AP2B1: variants seen among roughly 807,000 people sequenced by gnomAD.
The protein encoded by AP2B1 is adaptor related protein complex 2 subunit beta 1.
In AP2B1, 23 loss-of-function variants were observed where a neutral mutation model predicts 102.0. The observed-to-expected ratio is 0.23, with a 90% CI of 0.16 to 0.32. AP2B1 has a LOEUF of 0.32. AP2B1 is among the 10% of genes least tolerant of loss of function. The probability of loss-of-function intolerance (pLI) is 1.00; values close to 1 mark genes in which losing one functional copy is unlikely to be tolerated. For synonymous variants in AP2B1, 381 were observed against 421.2 expected (o/e 0.90, Z 1.17); for missense variants, 541 against 1,157.4 (o/e 0.47, Z 7.73).
intron 5 of AP2B1, among the ~76,000 whole-genome samples, chr17:35,609,112 T>C (rs1181046203): frequency 6.6e-6 from 1 of 152,242 alleles, no homozygotes; most frequent in Non-Finnish European, 1.5e-5. Flanking sequence ...CAATGTTTAC[T>C]GAAAGGTGCA....
chr17:35,685,327 C>T (rs778540572), intron 18 of AP2B1, among the ~76,000 whole-genome samples: 5 of 152,150 alleles, frequency 3.3e-5, no homozygotes, highest in Non-Finnish European at 7.3e-5. Context: ...GTGTAGGGTA[C>T]TTTAGATTTC....
intron 17 of AP2B1, among the ~76,000 whole-genome samples, chr17:35,677,984 TGAGTAGCTGGGATTAGAGGCACCC>T (rs2075738552): frequency 6.6e-6 from 1 of 151,630 alleles, no homozygotes; most frequent in African/African-American, 2.4e-5. Flanking sequence ...CTCAGCCTCC[TGAGTAGCTGGGATTAGAGGCACCC>T]GCCACCATGC....
intron 18 of AP2B1, among the ~76,000 whole-genome samples, chr17:35,687,236 C>T (rs1038225354): frequency 4.6e-5 from 7 of 151,866 alleles, no homozygotes; most frequent in African/African-American, 1.7e-4. Flanking sequence ...CTCAGCCTCC[C>T]GAATAGCTGG....
chr17:35,709,716 C>T (rs2076410339), intron 19 of AP2B1, among the ~76,000 whole-genome samples: 2 of 152,208 alleles, frequency 1.3e-5, no homozygotes, highest in South Asian at 4.1e-4. Context: ...GTAAATTTAG[C>T]ACTTTACTCT....
chr17:35,674,438 T>C (rs1044309863), intron 17 of AP2B1, 117 bp downstream of exon 17: 2 of 1,249,920 alleles, frequency 1.6e-6, no homozygotes, highest in East Asian at 4.7e-5. Context: ...GTACAGTGGC[T>C]CATGCCTATA....
In AP2B1 at chr17:35,725,864, C is replaced by T. The variant is rs1449586834; in HGVS notation, c.*2165C>T. On this transcript the variant is annotated 3_prime_UTR_variant, in exon 22 of 22. Transcript: ENST00000610402. ...CGAAACAAGGCTTCTCTCAGCCTCC[C>T]CACCAGTGATGGATAACAGCTCCTA... 3.9e-5 allele frequency: 6 copies of T among 152,340 alleles called. No individual in the cohort carries two copies. Among genetic ancestry groups the T allele is most frequent in the Non-Finnish European group, 7.3e-5 (5 of 68,066 alleles). 9.4% of individuals were successfully genotyped at this position (152,340 alleles called of 1,614,324 possible).
At chr17:35,688,565 A>G (rs993121228) in intron 18 of AP2B1, among the ~76,000 whole-genome samples, 4 of 151,942 alleles carry the variant, frequency 2.6e-5, no homozygotes, top group African/African-American at 9.7e-5. Flanking sequence ...CATTTTCTCT[A>G]TTTCTTATCA....
chr17:35,652,121 C>G (rs2075102172), intron 13 of AP2B1, among the ~76,000 whole-genome samples: 1 of 152,186 alleles, frequency 6.6e-6, no homozygotes, highest in Non-Finnish European at 1.5e-5. Flanking sequence ...AAGTGTCTTA[C>G]ATAAGGCCTT....
chr17:35,623,599 ATTATT>A (rs2142542561), intron 5 of AP2B1, among the ~76,000 whole-genome samples: 1 of 152,240 alleles, frequency 6.6e-6, no homozygotes, highest in African/African-American at 2.4e-5. Flanking sequence ...AAGATGTATT[ATTATT>A]TTCTGTATTA....
At chr17:35,618,148 A>G (rs2074077172) in intron 5 of AP2B1, among the ~76,000 whole-genome samples, 1 of 152,188 alleles carries the variant, frequency 6.6e-6, no homozygotes, top group Non-Finnish European at 1.5e-5. Flanking sequence ...GTTTTGGATT[A>G]AAGTATAAGC....
intron 16 of AP2B1, among the ~76,000 whole-genome samples, chr17:35,672,850 C>G (rs1270115514): frequency 6.6e-6 from 1 of 152,094 alleles, no homozygotes. Flanking sequence ...AATTGTCTCC[C>G]CCTGCCCCCA....
At chr17:35,663,451 A>C (rs1054869058) in intron 14 of AP2B1, among the ~76,000 whole-genome samples, 4 of 152,288 alleles carry the variant, frequency 2.6e-5, no homozygotes, top group South Asian at 4.1e-4. Context: ...ATTTGAACCC[A>C]GGGCTTCTTT....
At chr17:35,674,492 CAG>C (rs1215901435) in intron 17 of AP2B1, among the ~76,000 whole-genome samples, 171 bp downstream of exon 17, 18 of 152,128 alleles carry the variant, frequency 1.2e-4, no homozygotes, top group Admixed American at 1.2e-3. Context: ...TACCTGAGGT[CAG>C]GGGTTCAAAA....
intron 2 of AP2B1, chr17:35,597,088 C>T: frequency 1.7e-5 from 9 of 541,568 alleles, no homozygotes; most frequent in South Asian, 1.6e-4. Context: ...GCCCCCGCTC[C>T]GGGGCCACTG....
intron 5 of AP2B1, among the ~76,000 whole-genome samples, chr17:35,609,812 A>G (rs2073803429): frequency 6.6e-6 from 1 of 152,170 alleles, no homozygotes; most frequent in South Asian, 2.1e-4. Flanking sequence ...CTGGACATAG[A>G]TGCTGTCTCT....
At position 35,605,868 on chromosome 17, in the gene AP2B1, G is replaced by C. The variant is rs148030373; in HGVS notation, c.279+28G>C. On this transcript the variant is annotated intron_variant, in intron 4 of 21. Coordinates refer to ENST00000610402, the MANE Select transcript of AP2B1 (RefSeq NM_001030006.2). ...AACTTTTCCCAAGGCCTCAATAACA[G>C]AGTTTGAATTGCAAATAAGTAACCT... The C allele has an allele frequency of 3.6e-3, 5,765 of 1,600,036 alleles. 53 individuals are homozygous for C. The highest frequency in any genetic ancestry group is 0.029 in the African/African-American group (2,179 of 74,284).
intron 5 of AP2B1, among the ~76,000 whole-genome samples, chr17:35,616,348 A>G (rs2074019703): frequency 6.6e-6 from 1 of 151,424 alleles, no homozygotes; most frequent in Non-Finnish European, 1.5e-5. Context: ...TTGTATTTTT[A>G]GTAGAGACGG....
chr17:35,696,537 G>A (rs1234976866), intron 18 of AP2B1, among the ~76,000 whole-genome samples: 2 of 150,118 alleles, frequency 1.3e-5, no homozygotes, highest in East Asian at 4.0e-4. Flanking sequence ...ACGGGTGCCC[G>A]CCACCACACC....
intron 2 of AP2B1, 123 bp from the exon 3 acceptor site, chr17:35,598,107 A>G (rs878907468): frequency 2.8e-5 from 12 of 424,844 alleles, no homozygotes; most frequent in Admixed American, 1.1e-4. Context: ...TATATATTCT[A>G]TAATTTTAAA....
Sources: gnomAD v4.1 joint callset for allele counts (sites outside exome capture counted in the v4.1 genomes callset) on GRCh38, gnomAD v4.1.1 for gene constraint, MANE v1.5 for transcripts, NCBI Gene and HGNC (gene_info 2026-07-23, HGNC 2026-07-21) for gene names.